Variants in SYT17 observed in about 807,000 individuals in gnomAD.
SYT17 encodes synaptotagmin 17.
A neutral mutation model predicts 46.7 loss-of-function variants in SYT17; 22 were observed. The observed-to-expected ratio is 0.47, with a 90% CI of 0.34 to 0.67. The LOEUF (loss-of-function observed/expected upper bound fraction) is 0.67, where lower values mean the gene tolerates loss of function less well. Ranked by LOEUF, SYT17 falls within the 30% of genes least tolerant of loss-of-function variation. SYT17 has a pLI of 0.01. For missense variants in SYT17, 519 were observed against 612.8 expected, an observed-to-expected ratio of 0.85 and a Z score of 1.62; for synonymous variants, 251 against 248.4, an observed-to-expected ratio of 1.01 and a Z score of -0.10.
intron 5 of SYT17, among the ~76,000 whole-genome samples, chr16:19,196,576 T>C (rs1440164669): frequency 6.6e-6 from 1 of 152,054 alleles, no homozygotes. Context: ...GACTTTATTT[T>C]TTAGGGTGGT....
chr16:19,231,695 G>C (rs1213235368), intron 7 of SYT17, among the ~76,000 whole-genome samples: 1 of 151,948 alleles, frequency 6.6e-6, no homozygotes, highest in Non-Finnish European at 1.5e-5. Context: ...GAGGGGGTGG[G>C]ACCAGCTCCC....
chr16:19,195,589 G>A (rs1019702366), intron 5 of SYT17, among the ~76,000 whole-genome samples: 5 of 152,008 alleles, frequency 3.3e-5, no homozygotes, highest in South Asian at 2.1e-4. Context: ...GGTGGTGGGC[G>A]CCTCTAATCC....
chr16:19,257,227 G>T (rs918180192), intron 7 of SYT17, among the ~76,000 whole-genome samples: 3 of 152,004 alleles, frequency 2.0e-5, no homozygotes, highest in Non-Finnish European at 4.4e-5. Flanking sequence ...TGTGAATCAC[G>T]AAGTGAGCCA....
intron 1 of SYT17, chr16:19,171,755 G>T (rs774584762): frequency 6.6e-6 from 1 of 151,908 alleles, no homozygotes; most frequent in South Asian, 2.1e-4. Context: ...ATGTGACATC[G>T]CAGAAGGCAA....
At chr16:19,178,263 T>G (rs552556791) in intron 3 of SYT17, among the ~76,000 whole-genome samples, 2 of 151,988 alleles carry the variant, frequency 1.3e-5, no homozygotes, top group South Asian at 4.2e-4. Flanking sequence ...TTTGTATTTT[T>G]TTTAGTAGAG....
At chr16:19,190,030 A>G (rs1307046858) in intron 5 of SYT17, among the ~76,000 whole-genome samples, 1 of 152,250 alleles carries the variant, frequency 6.6e-6, no homozygotes, top group East Asian at 1.9e-4. Context: ...GTTGGCTGGA[A>G]GATAATGAAA....
rs112589407 is a variant in SYT17, at chr16:19,186,502, A to G, written c.951+2355A>G. On this transcript the variant is annotated intron_variant, in intron 5 of 7. Transcript: ENST00000355377. ...TTGTCTCTAAAAAAATAAAATAACAAAAGTGTGTATAAAGTTGAAATATTG... is the reference window on the plus strand; with the variant it reads ...TTGTCTCTAAAAAAATAAAATAACAGAAGTGTGTATAAAGTTGAAATATTG... Among the ~76,000 whole-genome samples, 953 of 152,268 alleles carry G rather than the reference A, an allele frequency of 6.3e-3. 15 individuals carry two copies. Among genetic ancestry groups the G allele is most frequent in the African/African-American group, 0.021 (892 of 41,548 alleles).
At position 19,224,782 on chromosome 16, in the gene SYT17, C is replaced by A. The variant is rs751120526; in HGVS notation, c.1172C>A (p.Ser391Tyr). ...RGTIDPFYNE[S>Y]FSFKVPQEEL... ...ACAATTGATCCTTTCTACAATGAAT[C>A]CTTCAGCTTCAAAGTTCCCCAAGAA... The change falls in exon 7 of 8, where the codon TCC (serine) becomes TAC (tyrosine). Residue 391 changes from serine (S) to tyrosine (Y), a missense_variant. Physicochemically the swap from Ser to Tyr is moderately radical, Grantham distance 144 (BLOSUM62 -2). Coordinates refer to ENST00000355377, the MANE Select transcript of SYT17 (RefSeq NM_016524.4). 3.1e-6 allele frequency: 5 copies of A among 1,613,988 alleles called. No homozygotes were observed. Among genetic ancestry groups the A allele is most frequent in the African/African-American group, 2.7e-5 (2 of 74,926 alleles).
intron 4 of SYT17, 91 bp downstream of exon 4, chr16:19,180,630 G>A (rs897885024): frequency 6.7e-7 from 1 of 1,502,054 alleles, no homozygotes; most frequent in Non-Finnish European, 9.1e-7. Context: ...TGTTATTGCT[G>A]GGGGAGGGCG....
At chr16:19,255,761 C>T (rs1008605059) in intron 7 of SYT17, among the ~76,000 whole-genome samples, 11 of 152,104 alleles carry the variant, frequency 7.2e-5, no homozygotes, top group Non-Finnish European at 1.3e-4. Flanking sequence ...CTGCACTCCA[C>T]TGTACTCTCT....
chr16:19,206,728 C>A (rs143574592), intron 5 of SYT17, among the ~76,000 whole-genome samples: 4 of 152,288 alleles, frequency 2.6e-5, no homozygotes, highest in African/African-American at 9.6e-5. Context: ...CTGTCCTCAC[C>A]TGGCATTCTC....
At chr16:19,242,460 G>A (rs1308906299) in intron 7 of SYT17, among the ~76,000 whole-genome samples, 1 of 152,192 alleles carries the variant, frequency 6.6e-6, no homozygotes, top group Non-Finnish European at 1.5e-5. Flanking sequence ...GAGTGAATTA[G>A]GCAATGAGGT....
chr16:19,200,350 A>G (rs1195276330), intron 5 of SYT17, among the ~76,000 whole-genome samples: 2 of 152,264 alleles, frequency 1.3e-5, no homozygotes, highest in East Asian at 3.8e-4. Context: ...ATATTATTTT[A>G]TGGAACCCGA....
Position 19,183,916 on chromosome 16 carries a change from G to T in SYT17, c.720G>T (p.Lys240Asn). 4 of 1,614,222 alleles carry T rather than the reference G, an allele frequency of 2.5e-6. No individual in the cohort carries two copies. Among genetic ancestry groups the T allele is most frequent in the Non-Finnish European group, 3.4e-6 (4 of 1,180,048 alleles). The change falls in exon 5 of 8, where the codon AAG becomes AAT. Residue 240 changes from lysine (K) to asparagine (N), a missense_variant. Transcript: ENST00000355377. This position sits in a 1 kb window ranked among gnomAD's most constrained non-coding sequence, Gnocchi z 5.6. Reference sequence around the variant, plus strand: ...AGATCTGTCTCCTGCCAGACCAGAAGAACTCAAAGCAGACCGGGGTCAAAC... The same window carrying T: ...AGATCTGTCTCCTGCCAGACCAGAATAACTCAAAGCAGACCGGGGTCAAAC... ...YVKICLLPDQ[K>N]NSKQTGVKRK... is the part of the protein sequence containing the mutation.
intron 3 of SYT17, among the ~76,000 whole-genome samples, chr16:19,174,628 C>T (rs1596885423): frequency 6.6e-6 from 1 of 152,176 alleles, no homozygotes; most frequent in South Asian, 2.1e-4. Flanking sequence ...TATCCAGGCT[C>T]TGTGGTCTCA....
At chr16:19,266,754 G>A (rs1282717981) in intron 7 of SYT17, 126 bp from the exon 8 acceptor site, 13 of 765,448 alleles carry the variant, frequency 1.7e-5, no homozygotes, top group Admixed American at 9.5e-5. Context: ...TGCCCTAAAC[G>A]ATGACCCCCA....
At chr16:19,191,279 A>G (rs897736110) in intron 5 of SYT17, among the ~76,000 whole-genome samples, 1 of 152,180 alleles carries the variant, frequency 6.6e-6, no homozygotes, top group Non-Finnish European at 1.5e-5. Flanking sequence ...TCGTATGTTG[A>G]AATCCTAACC....
intron 4 of SYT17, among the ~76,000 whole-genome samples, chr16:19,182,325 G>A (rs1964591171): frequency 6.6e-6 from 1 of 152,116 alleles, no homozygotes; most frequent in Non-Finnish European, 1.5e-5. Flanking sequence ...TGAGCCATGA[G>A]ATTCACTTGC....
chr16:19,208,444 G>A (rs1244402977), intron 5 of SYT17, among the ~76,000 whole-genome samples: 1 of 152,110 alleles, frequency 6.6e-6, no homozygotes, highest in African/African-American at 2.4e-5. Context: ...AGCAAAGCAC[G>A]GCTTACATGG....
Sources: allele counts gnomAD v4.1 joint callset (sites outside exome capture counted in the v4.1 genomes callset), GRCh38; gene constraint gnomAD v4.1.1; non-coding constraint Gnocchi (gnomAD v3.1); transcripts MANE v1.5; gene names NCBI Gene and HGNC (gene_info 2026-07-23, HGNC 2026-07-21).